Variants in CRB1 observed in about 807,000 individuals in gnomAD.
CRB1 encodes crumbs cell polarity complex component 1, also known as protein crumbs homolog 1.
In CRB1, 83 loss-of-function variants were observed where a neutral mutation model predicts 120.0. The ratio of observed to expected loss-of-function variants is 0.69; its 90% CI spans 0.58 to 0.83. CRB1 has a LOEUF of 0.83. Among genes scored for constraint, CRB1 ranks in the 40% least tolerant of loss-of-function variants. The pLI is 0.00. For missense variants in CRB1, 1,699 were observed against 1,687.6 expected (o/e 1.01, Z -0.12); for synonymous variants, 625 against 612.5 (o/e 1.02, Z -0.30).
At chr1:197,228,713 C>T in the CRB1 span, among the ~76,000 whole-genome samples, 9 of 152,264 alleles carry the variant, frequency 5.9e-5, no homozygotes, top group Non-Finnish European at 1.3e-4. Context: ...TTTTCAGCAA[C>T]GCCCTGCTCT....
intron 5 of CRB1, among the ~76,000 whole-genome samples, chr1:197,415,773 G>A (rs1349505113): frequency 6.6e-6 from 1 of 150,376 alleles, no homozygotes; most frequent in African/African-American, 2.4e-5. Flanking sequence ...CTCCTGAGTA[G>A]CTGGGACTAC....
chr1:197,201,793 G>T, the CRB1 span, among the ~76,000 whole-genome samples: 3 of 152,188 alleles, frequency 2.0e-5, no homozygotes, highest in South Asian at 6.2e-4. Flanking sequence ...TGCTGATCTC[G>T]TTTCGTTATT....
chr1:197,269,749 A>C (rs1452354269), intron 1 of CRB1, among the ~76,000 whole-genome samples: 3 of 152,132 alleles, frequency 2.0e-5, no homozygotes, highest in African/African-American at 7.2e-5. Flanking sequence ...ATATATATGG[A>C]AATTCCTGGA....
chr1:197,324,989 G>A (rs557592445), intron 1 of CRB1, among the ~76,000 whole-genome samples: 179 of 152,216 alleles, frequency 1.2e-3, no homozygotes, highest in Middle Eastern at 3.4e-3. Context: ...ATTCTATCAC[G>A]CAGTACATCA....
At chr1:197,369,689 C>A (rs184098853) in intron 5 of CRB1, among the ~76,000 whole-genome samples, 44 of 152,316 alleles carry the variant, frequency 2.9e-4, no homozygotes, top group African/African-American at 1.0e-3. Flanking sequence ...GTCCCAGCGT[C>A]CCAGTTCATC....
At chr1:197,391,454 G>A (rs1054562324) in intron 5 of CRB1, among the ~76,000 whole-genome samples, 1 of 152,002 alleles carries the variant, frequency 6.6e-6, no homozygotes, top group Non-Finnish European at 1.5e-5. Context: ...GTATAAAAAA[G>A]CAAACCAAGT....
At chr1:197,224,701 A>G in the CRB1 span, among the ~76,000 whole-genome samples, 4 of 152,130 alleles carry the variant, frequency 2.6e-5, no homozygotes, top group African/African-American at 7.2e-5. Context: ...ATATATACTA[A>G]TAATTCATGC....
At position 197,326,390 on chromosome 1, in the gene CRB1, G is replaced by A. The variant is rs544960511; in HGVS notation, c.71-2032G>A. ...TCCTAGCACTTTGGGAGGCCTGGAT[G>A]GCTGAGGCGGGCAGATTGCCTGAGC... On this transcript the variant is annotated intron_variant, in intron 1 of 11. Transcript: ENST00000367400. Among the ~76,000 whole-genome samples the A allele has an allele frequency of 3.3e-5, 5 of 152,230 alleles. No individual in the cohort carries two copies. In the South Asian group the frequency reaches 1.0e-3, roughly 32 times the overall value.
chr1:197,357,641 G>T (rs1469880805), intron 5 of CRB1: 1 of 157,828 alleles, frequency 6.3e-6, no homozygotes, highest in Non-Finnish European at 1.4e-5. Flanking sequence ...CAATTGCATT[G>T]ATATCACTGA....
chr1:197,222,187 C>A, the CRB1 span: 1 of 433,378 alleles, frequency 2.3e-6, no homozygotes, highest in Admixed American at 3.3e-5. Flanking sequence ...CGGCCCGCTC[C>A]TTGTTGCCCT....
chr1:197,226,374 AG>A, the CRB1 span, among the ~76,000 whole-genome samples: 18 of 152,366 alleles, frequency 1.2e-4, no homozygotes, highest in African/African-American at 4.3e-4. Context: ...TTCTACAAGT[AG>A]TAGTAACTTG....
intron 2 of CRB1, among the ~76,000 whole-genome samples, chr1:197,334,616 C>A (rs1396543406): frequency 6.6e-6 from 1 of 152,150 alleles, no homozygotes; most frequent in Non-Finnish European, 1.5e-5. Flanking sequence ...CCCACTGGAA[C>A]CTTGGTCTTG....
chr1:197,477,956 C>T lies in CRB1; in HGVS notation c.*77C>T. ...TGTACTTCAGGTATCTCTGACATAC[C>T]TGACAATGTTAATCTGCAACTGGGA... On this transcript the variant is annotated 3_prime_UTR_variant, in exon 12 of 12. Transcript: ENST00000367400. 2 of 1,385,212 alleles carry T rather than the reference C, an allele frequency of 1.4e-6. No individual in the cohort carries two copies. The highest frequency in any genetic ancestry group is 2.8e-5 in the African/African-American group (2 of 70,544). 85.8% of individuals were successfully genotyped at this position (1,385,212 alleles called of 1,614,324 possible).
chr1:197,290,252 TTA>T, intron 1 of CRB1, among the ~76,000 whole-genome samples: 1 of 146,686 alleles, frequency 6.8e-6, no homozygotes. Context: ...AATCAGTTTT[TTA>T]TGTTCCCTTT....
chr1:197,317,555 A>G (rs1657927970), intron 1 of CRB1, among the ~76,000 whole-genome samples: 1 of 152,234 alleles, frequency 6.6e-6, no homozygotes, highest in Non-Finnish European at 1.5e-5. Context: ...TTGAGCAAAA[A>G]TAACACGGTT....
At chr1:197,255,972 T>C in the CRB1 span, among the ~76,000 whole-genome samples, 3 of 115,170 alleles carry the variant, frequency 2.6e-5, no homozygotes, top group African/African-American at 1.2e-4. Flanking sequence ...ATTTTATATA[T>C]ATATATATAT....
chr1:197,320,103 G>A (rs1303071268), intron 1 of CRB1, among the ~76,000 whole-genome samples: 1 of 152,208 alleles, frequency 6.6e-6, no homozygotes, highest in Non-Finnish European at 1.5e-5. Flanking sequence ...ATAATTGATA[G>A]CATCCCTACT....
intron 5 of CRB1, among the ~76,000 whole-genome samples, chr1:197,388,019 C>T (rs1662311325): frequency 6.6e-6 from 1 of 151,566 alleles, no homozygotes; most frequent in African/African-American, 2.4e-5. Flanking sequence ...TATATATATG[C>T]ACACACATAG....
rs966832270 is a variant in CRB1 at position 197,389,345 on chromosome 1, G to A, written c.1172-31655G>A. 2.0e-5 allele frequency among the ~76,000 whole-genome samples: 3 copies of A among 152,090 alleles called. No individual in the cohort carries two copies. In the South Asian group the frequency reaches 6.2e-4, roughly 31 times the overall value. ...ATAAATATACCATACATATATCATG[G>A]AATATAATTCAGGCTTAAAAAGCAA... On this transcript the variant is annotated intron_variant, in intron 5 of 11. Coordinates refer to ENST00000367400, the MANE Select transcript of CRB1 (RefSeq NM_201253.3).
Sources: gnomAD v4.1 joint callset for allele counts (sites outside exome capture counted in the v4.1 genomes callset) on GRCh38, gnomAD v4.1.1 for gene constraint, MANE v1.5 for transcripts, NCBI Gene and HGNC (gene_info 2026-07-23, HGNC 2026-07-21) for gene names.